DGKI: variants seen among roughly 807,000 people sequenced by gnomAD.
The protein encoded by DGKI is diacylglycerol kinase iota, also known as DAG kinase iota.
A neutral mutation model predicts 147.5 loss-of-function variants in DGKI; 55 were observed. The ratio of observed to expected loss-of-function variants is 0.37; its 90% CI spans 0.30 to 0.47. The LOEUF (loss-of-function observed/expected upper bound fraction) is 0.47, where lower values mean the gene tolerates loss of function less well. DGKI is among the 20% of genes least tolerant of loss of function. The pLI is 1.00. For synonymous variants in DGKI, 469 were observed against 477.1 expected (o/e 0.98, Z 0.22); for missense variants, 1,007 against 1,323.8 (o/e 0.76, Z 3.71).
rs145148584 is a variant in DGKI, at chr7:137,451,504, G to C, written c.2736-7402C>G. 7.1e-3 allele frequency among the ~76,000 whole-genome samples: 1,080 copies of C among 152,224 alleles called. 7 individuals carry two copies. Among genetic ancestry groups the C allele is most frequent in the Non-Finnish European group, 0.012 (840 of 68,012 alleles). On this transcript the variant is annotated intron_variant, in intron 27 of 32. Coordinates refer to ENST00000614521, the MANE Select transcript of DGKI (RefSeq NM_001321708.2). Reference sequence around the variant, plus strand: ...ATCTTTCTAGTAGATCGATTACAAGGCTTAAGGGCACTGAAAAATGTGCCC... The same window carrying C: ...ATCTTTCTAGTAGATCGATTACAAGCCTTAAGGGCACTGAAAAATGTGCCC...
At chr7:137,675,275 C>A (rs1205278679) in intron 3 of DGKI, among the ~76,000 whole-genome samples, 3 of 139,984 alleles carry the variant, frequency 2.1e-5, no homozygotes, top group African/African-American at 9.8e-5. Flanking sequence ...TCTCCAGGCA[C>A]CTTGTTCGCT....
intron 1 of DGKI, among the ~76,000 whole-genome samples, chr7:137,692,643 G>T (rs1823652195): frequency 6.6e-6 from 1 of 152,112 alleles, no homozygotes; most frequent in African/African-American, 2.4e-5. Flanking sequence ...ATCAAATTAG[G>T]ATTCAAGGAT....
rs970514260 is a variant in DGKI at position 137,755,260 on chromosome 7, A to C, written c.402-65258T>G. ...TAAGAAACATGAATTAAAAAATGAT[A>C]AAGATGTGAGGTCTTTTTCAACATG... On this transcript the variant is annotated intron_variant, in intron 1 of 32. Transcript: ENST00000614521. Among the ~76,000 whole-genome samples the C allele has an allele frequency of 1.3e-3, 199 of 152,210 alleles. 1 individual carries two copies. The highest frequency in any genetic ancestry group is 8.8e-5 in the Non-Finnish European group (6 of 68,042).
intron 1 of DGKI, among the ~76,000 whole-genome samples, chr7:137,806,794 C>T (rs1305698859): frequency 1.3e-5 from 2 of 152,144 alleles, no homozygotes; most frequent in South Asian, 2.1e-4. Flanking sequence ...CTCATCTGCC[C>T]ACCTCCCCAC....
chr7:137,648,740 G>A (rs1308288941), intron 5 of DGKI, among the ~76,000 whole-genome samples: 1 of 152,110 alleles, frequency 6.6e-6, no homozygotes, highest in Non-Finnish European at 1.5e-5. Context: ...TTGACCTTGG[G>A]TAATTGAAAC....
chr7:137,664,001 C>T (rs996622239), intron 3 of DGKI, among the ~76,000 whole-genome samples: 1 of 152,078 alleles, frequency 6.6e-6, no homozygotes, highest in Non-Finnish European at 1.5e-5. Flanking sequence ...TAGACATTCT[C>T]GTAATAAGCA....
At chr7:137,687,627 G>A (rs1028667405) in intron 2 of DGKI, among the ~76,000 whole-genome samples, 3 of 152,136 alleles carry the variant, frequency 2.0e-5, no homozygotes, top group East Asian at 1.9e-4. Flanking sequence ...TGCTTTACAC[G>A]ATTGTAATAA....
intron 20 of DGKI, among the ~76,000 whole-genome samples, chr7:137,548,268 A>G (rs954865009): frequency 2.6e-5 from 4 of 152,156 alleles, no homozygotes; most frequent in Non-Finnish European, 5.9e-5. Context: ...TAAACAGAAG[A>G]TAGAGTTCAA....
chr7:137,745,565 T>C (rs546465293), intron 1 of DGKI, among the ~76,000 whole-genome samples: 4 of 152,352 alleles, frequency 2.6e-5, no homozygotes, highest in African/African-American at 9.6e-5. Flanking sequence ...ATCCATGCTG[T>C]CAGTGCTACC....
chr7:137,667,981 A>T (rs1822701355), intron 3 of DGKI, among the ~76,000 whole-genome samples: 2 of 152,224 alleles, frequency 1.3e-5, no homozygotes, highest in African/African-American at 2.4e-5. Context: ...CCAAGTAGGT[A>T]CGACTTACCC....
rs531506056 is a variant in DGKI, at chr7:137,459,015, T to C, written c.2735+4474A>G. Among the ~76,000 whole-genome samples the C allele has an allele frequency of 2.9e-4, 44 of 152,360 alleles. 1 individual carries two copies. In the South Asian group the frequency reaches 2.9e-3, roughly 10 times the overall value. On this transcript the variant is annotated intron_variant, in intron 27 of 32. Coordinates refer to ENST00000614521, the MANE Select transcript of DGKI (RefSeq NM_001321708.2). ...TTATGTTCACAGGTTTTGCAGACAC[T>C]ATACACATTGCGTATCCTACTTTGG...
chr7:137,773,590 C>A (rs576123163), intron 1 of DGKI, among the ~76,000 whole-genome samples: 1 of 152,176 alleles, frequency 6.6e-6, no homozygotes, highest in South Asian at 2.1e-4. Context: ...AGACAAGAAG[C>A]CAATTCAGAA....
intron 10 of DGKI, among the ~76,000 whole-genome samples, chr7:137,600,442 T>C (rs1048679594): frequency 4.5e-4 from 69 of 152,182 alleles, no homozygotes; most frequent in African/African-American, 1.6e-3. Context: ...CAGCCCTCCT[T>C]TTCTTTAACA....
intron 3 of DGKI, among the ~76,000 whole-genome samples, chr7:137,664,392 A>AG: frequency 7.3e-6 from 1 of 136,670 alleles, no homozygotes; most frequent in African/African-American, 3.6e-5. Flanking sequence ...AAAAAAAAAA[A>AG]AAAAAAGAAA....
chr7:137,830,962 T>C (rs960697745), intron 1 of DGKI, among the ~76,000 whole-genome samples: 3 of 152,196 alleles, frequency 2.0e-5, no homozygotes, highest in Admixed American at 6.5e-5. Context: ...ATCTGTACAA[T>C]AGTGATAACT....
At chr7:137,786,679 A>G (rs987272066) in intron 1 of DGKI, among the ~76,000 whole-genome samples, 1 of 45,344 alleles carries the variant, frequency 2.2e-5, no homozygotes. Context: ...TAAGCAAAGA[A>G]AAAAAAAAAA....
intron 1 of DGKI, among the ~76,000 whole-genome samples, chr7:137,711,577 T>G (rs567790092): frequency 6.6e-6 from 1 of 151,364 alleles, no homozygotes; most frequent in Admixed American, 6.6e-5. Context: ...ACAGGGGGCA[T>G]GGAACAGAGG....
chr7:137,442,778 A>G (rs1448742051), intron 28 of DGKI, among the ~76,000 whole-genome samples: 1 of 152,340 alleles, frequency 6.6e-6, no homozygotes, highest in Non-Finnish European at 1.5e-5. Flanking sequence ...TTCTTAATTC[A>G]TTCATTTAAT....
chr7:137,718,765 G>A (rs186116481), intron 1 of DGKI, among the ~76,000 whole-genome samples: 42 of 152,304 alleles, frequency 2.8e-4, no homozygotes, highest in African/African-American at 9.9e-4. Context: ...GGAGAAGACG[G>A]CCTCCTCTCC....
Sources: allele counts gnomAD v4.1 joint callset (sites outside exome capture counted in the v4.1 genomes callset), GRCh38; gene constraint gnomAD v4.1.1; transcripts MANE v1.5; gene names NCBI Gene and HGNC (gene_info 2026-07-23, HGNC 2026-07-21).